DCLK1: variants seen among roughly 807,000 people sequenced by gnomAD.
The protein encoded by DCLK1 is doublecortin like kinase 1.
Under a neutral mutation model 86.2 loss-of-function variants are expected in DCLK1, and 16 were observed. The ratio of observed to expected loss-of-function variants is 0.19; its 90% CI spans 0.13 to 0.28. DCLK1 has a LOEUF of 0.28. DCLK1 is among the 10% of genes least tolerant of loss of function. DCLK1 has a pLI of 1.00. For synonymous variants in DCLK1, 369 were observed against 370.5 expected (o/e 1.00, Z 0.05); for missense variants, 590 against 940.2 (o/e 0.63, Z 4.87).
At chr13:35,980,898 T>A (rs1879604459) in intron 3 of DCLK1, among the ~76,000 whole-genome samples, 1 of 152,152 alleles carries the variant, frequency 6.6e-6, no homozygotes, top group Non-Finnish European at 1.5e-5. Context: ...GCTCAAGTGA[T>A]CTGCCCACAA....
intron 3 of DCLK1, among the ~76,000 whole-genome samples, chr13:36,104,361 G>A (rs1410315353): frequency 6.6e-6 from 1 of 152,146 alleles, no homozygotes; most frequent in Non-Finnish European, 1.5e-5. Flanking sequence ...ACCTTTCTTA[G>A]CCTCATCCTA....
chr13:35,967,193 GC>G (rs900661528), intron 3 of DCLK1, among the ~76,000 whole-genome samples: 3 of 147,910 alleles, frequency 2.0e-5, no homozygotes, highest in Non-Finnish European at 4.5e-5. Flanking sequence ...CTGACTGGCG[GC>G]CCCGTCTGAG....
chr13:35,817,438 T>C (rs1337970772), intron 11 of DCLK1, among the ~76,000 whole-genome samples: 1 of 152,198 alleles, frequency 6.6e-6, no homozygotes, highest in Non-Finnish European at 1.5e-5. Flanking sequence ...TCACAATGAC[T>C]ACAAGCTACC....
chr13:35,854,131 G>A (rs1037819970), intron 6 of DCLK1, among the ~76,000 whole-genome samples: 2 of 152,100 alleles, frequency 1.3e-5, no homozygotes, highest in Admixed American at 6.6e-5. Flanking sequence ...TTCCACCAGG[G>A]CCCTCCCCTC....
At chr13:35,855,927 C>G (rs1871028879) in intron 5 of DCLK1, 2 of 901,880 alleles carry the variant, frequency 2.2e-6, no homozygotes, top group Non-Finnish European at 2.7e-6. Flanking sequence ...CTTCTAAAGC[C>G]TGGTGACTAC....
intron 4 of DCLK1, among the ~76,000 whole-genome samples, chr13:35,912,544 G>C (rs1285415557): frequency 6.6e-6 from 1 of 152,116 alleles, no homozygotes; most frequent in Non-Finnish European, 1.5e-5. Context: ...CTTCAGGGAA[G>C]AGCCAGCTAG....
chr13:35,786,716 G>T (rs752332556), intron 16 of DCLK1, among the ~76,000 whole-genome samples: 1 of 152,044 alleles, frequency 6.6e-6, no homozygotes, highest in Non-Finnish European at 1.5e-5. Context: ...AAAAAAGAAG[G>T]GTCTGCACAA....
chr13:35,956,711 AAAAAC>A (rs1382511725), intron 3 of DCLK1, among the ~76,000 whole-genome samples: 1 of 151,642 alleles, frequency 6.6e-6, no homozygotes, highest in Non-Finnish European at 1.5e-5. Flanking sequence ...AAGGCTGGGG[AAAAAC>A]AAAACAAAAC....
chr13:35,949,982 G>A (rs1877578456), intron 3 of DCLK1, among the ~76,000 whole-genome samples: 1 of 152,180 alleles, frequency 6.6e-6, no homozygotes, highest in Admixed American at 6.5e-5. Flanking sequence ...AGTCACCTCA[G>A]TGCCAAGCAA....
intron 3 of DCLK1, among the ~76,000 whole-genome samples, chr13:35,971,138 T>G (rs1466548523): frequency 2.0e-5 from 3 of 152,132 alleles, no homozygotes; most frequent in African/African-American, 7.2e-5. Context: ...CCAACTGAAG[T>G]TATAAGATTT....
intron 7 of DCLK1, among the ~76,000 whole-genome samples, chr13:35,836,802 C>T (rs1013473307): frequency 6.6e-6 from 1 of 152,162 alleles, no homozygotes; most frequent in African/African-American, 2.4e-5. Context: ...GTGCCACTAA[C>T]ACAACACATT....
At chr13:35,876,696 T>C (rs1872609561) in intron 4 of DCLK1, among the ~76,000 whole-genome samples, 1 of 152,222 alleles carries the variant, frequency 6.6e-6, no homozygotes. Flanking sequence ...GACATTTTCA[T>C]AGCCTCAGGC....
intron 3 of DCLK1, among the ~76,000 whole-genome samples, chr13:35,961,885 C>A (rs1330822284): frequency 2.0e-5 from 3 of 152,154 alleles, no homozygotes; most frequent in Non-Finnish European, 2.9e-5. Flanking sequence ...TAAGTGTAAT[C>A]AGACATAAAT....
chr13:36,008,811 A>G lies in DCLK1; in HGVS notation c.724-61354T>C, dbSNP rs1290477330. ...GAGAAATCGCCACACTGACTTCCAC[A>G]ATGGTTGAACTAGTTTACAGTCTCA... On this transcript the variant is annotated intron_variant, in intron 3 of 16. Coordinates refer to ENST00000360631, the MANE Select transcript of DCLK1 (RefSeq NM_001330071.2). Among the ~76,000 whole-genome samples the G allele has an allele frequency of 2.6e-5, 4 of 151,418 alleles. No homozygotes were observed. In the East Asian group the frequency reaches 7.9e-4, roughly 30 times the overall value.
chr13:36,035,092 G>T (rs1375437032), intron 3 of DCLK1, among the ~76,000 whole-genome samples: 8 of 152,066 alleles, frequency 5.3e-5, no homozygotes, highest in African/African-American at 1.2e-4. Flanking sequence ...CCTCCAGTCA[G>T]TCCTGCCCAC....
At chr13:35,942,327 C>T (rs1353814347) in intron 4 of DCLK1, among the ~76,000 whole-genome samples, 1 of 152,070 alleles carries the variant, frequency 6.6e-6, no homozygotes, top group Non-Finnish European at 1.5e-5. Context: ...CCACCACACC[C>T]AGCTAATTTT....
At chr13:36,015,093 T>C (rs1243471370) in intron 3 of DCLK1, among the ~76,000 whole-genome samples, 1 of 152,158 alleles carries the variant, frequency 6.6e-6, no homozygotes, top group East Asian at 1.9e-4. Context: ...GCAGTGATTA[T>C]GTCTCTTTCA....
chr13:36,073,146 T>C (rs1054100464), intron 3 of DCLK1, among the ~76,000 whole-genome samples: 5 of 152,202 alleles, frequency 3.3e-5, no homozygotes, highest in Admixed American at 6.5e-5. Context: ...TCAATGATTT[T>C]TAGTAAATAC....
chr13:36,083,514 C>T (rs1284618481), intron 3 of DCLK1, among the ~76,000 whole-genome samples: 1 of 152,032 alleles, frequency 6.6e-6, no homozygotes, highest in East Asian at 1.9e-4. Flanking sequence ...TTTATTGGTG[C>T]CCATACAATC....
Sources: gnomAD v4.1 joint callset for allele counts (sites outside exome capture counted in the v4.1 genomes callset) on GRCh38, gnomAD v4.1.1 for gene constraint, MANE v1.5 for transcripts, NCBI Gene and HGNC (gene_info 2026-07-23, HGNC 2026-07-21) for gene names.